Variants in CTDP1 observed in about 807,000 individuals in gnomAD.
CTDP1 encodes RNA polymerase II subunit A C-terminal domain phosphatase.
Under a neutral mutation model 91.8 loss-of-function variants are expected in CTDP1, and 47 were observed. That is an observed-to-expected ratio of 0.51 (90% CI 0.41 to 0.65). The LOEUF (loss-of-function observed/expected upper bound fraction) is 0.65, where lower values mean the gene tolerates loss of function less well. CTDP1 is among the 30% of genes least tolerant of loss of function. CTDP1 has a pLI of 0.00. For missense variants in CTDP1, 1,272 were observed against 1,373.7 expected (o/e 0.93, Z 1.17); for synonymous variants, 656 against 598.5 (o/e 1.10, Z -1.40).
At chr18:79,695,110 T>C (rs2085720378) in intron 1 of CTDP1, 115 bp from the exon 2 acceptor site, 1 of 908,638 alleles carries the variant, frequency 1.1e-6, no homozygotes, top group Middle Eastern at 2.2e-4. Context: ...TACAAAGTTA[T>C]GCAAGGGTTA....
chr18:79,730,254 CTTTA>C (rs1487687995), intron 11 of CTDP1, among the ~76,000 whole-genome samples: 2 of 152,214 alleles, frequency 1.3e-5, no homozygotes, highest in African/African-American at 4.8e-5. Context: ...GCCCAGACCA[CTTTA>C]TTTAAGATTC....
chr18:79,694,501 TG>T (rs2085705079), intron 1 of CTDP1, among the ~76,000 whole-genome samples: 1 of 89,880 alleles, frequency 1.1e-5, no homozygotes, highest in South Asian at 5.1e-4. Context: ...GTCCACGGGG[TG>T]GGGTGGTCGG....
chr18:79,726,957 C>T (rs1381772379), intron 10 of CTDP1, among the ~76,000 whole-genome samples: 1 of 121,510 alleles, frequency 8.2e-6, no homozygotes, highest in African/African-American at 3.3e-5. Flanking sequence ...GGGTTGATGC[C>T]GTTGCTGGTG....
downstream of CTDP1, chr18:79,755,202 C>T (rs192699896): frequency 6.6e-6 from 1 of 152,324 alleles, no homozygotes; most frequent in Admixed American, 6.5e-5. Context: ...CACCGTTACC[C>T]AGCAGCACGC....
At chr18:79,677,540 A>T (rs1340467505), upstream of CTDP1, 1 of 152,282 alleles carries the variant, frequency 6.6e-6, no homozygotes, top group Non-Finnish European at 1.5e-5. Flanking sequence ...GTGTCCACAC[A>T]TCCAATTAGA....
At chr18:79,705,216 A>G (rs1172830566) in intron 5 of CTDP1, among the ~76,000 whole-genome samples, 2 of 151,998 alleles carry the variant, frequency 1.3e-5, no homozygotes, top group Non-Finnish European at 2.9e-5. Flanking sequence ...TACCTTCTTA[A>G]ATCAGTTCAC....
At chr18:79,679,255 G>A (rs762412259), upstream of CTDP1, 7 of 375,720 alleles carry the variant, frequency 1.9e-5, no homozygotes, top group Admixed American at 3.0e-5. Context: ...AGAGAAGACC[G>A]CAACCCCCAA....
intron 11 of CTDP1, chr18:79,736,008 C>T (rs781276849): frequency 1.0e-5 from 3 of 292,662 alleles, no homozygotes; most frequent in Non-Finnish European, 2.0e-5. Context: ...TGCTGTGAAT[C>T]TCATTGATCT....
intron 5 of CTDP1, among the ~76,000 whole-genome samples, chr18:79,705,976 G>A (rs545317338): frequency 1.4e-4 from 22 of 152,154 alleles, no homozygotes; most frequent in Non-Finnish European, 2.5e-4. Flanking sequence ...TCACTTCCTC[G>A]GGCCAGTGAA....
intron 11 of CTDP1, among the ~76,000 whole-genome samples, chr18:79,734,578 G>A (rs1241437668): frequency 6.6e-6 from 1 of 151,074 alleles, no homozygotes; most frequent in Non-Finnish European, 1.5e-5. Context: ...CTCCCAGGTG[G>A]GGCGCCACAC....
intron 5 of CTDP1, among the ~76,000 whole-genome samples, chr18:79,707,645 T>G (rs1027435713): frequency 1.3e-5 from 2 of 152,236 alleles, no homozygotes; most frequent in Non-Finnish European, 2.9e-5. Context: ...TGAACATGGA[T>G]GCAGAAATTC....
chr18:79,717,816 C>G lies in CTDP1; in HGVS notation c.2217C>G (p.Asn739Lys). The change falls in exon 10 of 13, where the codon AAC (asparagine) becomes AAG (lysine). Residue 739 changes from asparagine to lysine, a missense_variant. Physicochemically the swap from Asn to Lys is moderately conservative, Grantham distance 94. Transcript: ENST00000613122. The part of the protein sequence containing the change: ...RDDHTKAQRE[N>K]SPAAFPDREG... ...CGTTCTCTTCCTCCGACAGGGAGAA[C>G]AGCCCTGCGGCCTTTCCCGACCGGG... 3 of 1,613,786 alleles carry G rather than the reference C, an allele frequency of 1.9e-6. No homozygotes were observed. The highest frequency in any genetic ancestry group is 1.1e-5 in the South Asian group (1 of 91,086).
rs1426070413 is a variant in CTDP1 at position 79,713,403 on chromosome 18, A to C, written c.1030+265A>C. 6.6e-6 allele frequency among the ~76,000 whole-genome samples: 1 copy of C among 152,216 alleles called. No homozygotes were observed. Among genetic ancestry groups the C allele is most frequent in the African/African-American group, 2.4e-5 (1 of 41,454 alleles). On this transcript the variant is annotated intron_variant, in intron 7 of 12. Coordinates refer to ENST00000613122, the MANE Select transcript of CTDP1 (RefSeq NM_004715.5). The surrounding 1 kb of genome is among the most constrained non-coding windows in gnomAD (Gnocchi z 4.7). Reference sequence around the variant, plus strand: ...TAGAGGATGCTGTTTAACCTAACACATCCGAATAACTCCCTTCATCCCAGT... The same window carrying C: ...TAGAGGATGCTGTTTAACCTAACACCTCCGAATAACTCCCTTCATCCCAGT...
At chr18:79,749,555 C>T (rs557366119) in intron 12 of CTDP1, among the ~76,000 whole-genome samples, 7 of 151,490 alleles carry the variant, frequency 4.6e-5, no homozygotes, top group Middle Eastern at 3.4e-3. Context: ...GTGACCGTCC[C>T]GAGCTCGACC....
chr18:79,707,213 C>A (rs1483826738), intron 5 of CTDP1, among the ~76,000 whole-genome samples: 2 of 152,242 alleles, frequency 1.3e-5, no homozygotes, highest in East Asian at 3.8e-4. Context: ...TGCCACCCGT[C>A]ACACCAGCAG....
chr18:79,754,902 G>T, downstream of CTDP1: 1 of 152,410 alleles, frequency 6.6e-6, no homozygotes, highest in Non-Finnish European at 1.5e-5. Flanking sequence ...GGCGGTGGGA[G>T]GCTGCACCTC....
Position 79,714,743 on chromosome 18 carries a change from C to T in CTDP1, c.1283C>T (p.Ser428Phe), listed in dbSNP as rs536225548. 1.9e-6 allele frequency: 3 copies of T among 1,602,050 alleles called. No homozygotes were observed. The highest frequency in any genetic ancestry group is 2.2e-5 in the South Asian group (2 of 89,818). Residue 428 changes from serine (S) to phenylalanine (F), a missense_variant, in exon 8 of 13, where the codon TCC (serine) becomes TTC (phenylalanine). Coordinates refer to ENST00000613122, the MANE Select transcript of CTDP1 (RefSeq NM_004715.5). ...ELAGAPEPQGSCAQGGRVAPG... is the reference protein window; with the variant it reads ...ELAGAPEPQGFCAQGGRVAPG... ...GCAGGCGCTCCTGAGCCCCAGGGATCCTGTGCGCAGGGTGGCCGGGTGGCA... is the reference window on the plus strand; with the variant it reads ...GCAGGCGCTCCTGAGCCCCAGGGATTCTGTGCGCAGGGTGGCCGGGTGGCA...
At chr18:79,728,156 G>C (rs1358504035) in intron 10 of CTDP1, among the ~76,000 whole-genome samples, 1 of 152,028 alleles carries the variant, frequency 6.6e-6, no homozygotes, top group Non-Finnish European at 1.5e-5. Flanking sequence ...CTGGAGTGCA[G>C]TGGCGCAATC....
downstream of CTDP1, chr18:79,756,368 T>G (rs1474629948): frequency 6.6e-6 from 1 of 152,308 alleles, no homozygotes; most frequent in Non-Finnish European, 1.5e-5. Flanking sequence ...CCGGCAGGTC[T>G]TCTGACCCTG....
Sources: allele counts gnomAD v4.1 joint callset (sites outside exome capture counted in the v4.1 genomes callset), GRCh38; gene constraint gnomAD v4.1.1; non-coding constraint Gnocchi (gnomAD v3.1); transcripts MANE v1.5; gene names NCBI Gene and HGNC (gene_info 2026-07-23, HGNC 2026-07-21).